The following CIMAP2 variants were observed in gnomAD, a reference collection of about 807,000 sequenced individuals.
CIMAP2 encodes ciliary microtubule associated protein 2.
the CIMAP2 span, among the ~76,000 whole-genome samples, chr1:54,820,653 TG>T: frequency 6.6e-6 from 1 of 152,222 alleles, no homozygotes; most frequent in Admixed American, 6.5e-5. Flanking sequence ...ATCCCTCAAT[TG>T]GGGTTTTGAT....
chr1:54,813,797 TTCTC>T, the CIMAP2 span: 14 of 1,583,298 alleles, frequency 8.8e-6, no homozygotes, highest in Non-Finnish European at 1.2e-5. Context: ...AGATTCCTTT[TTCTC>T]TCTTTTTCTT....
chr1:54,831,921 G>A, the CIMAP2 span, among the ~76,000 whole-genome samples: 7 of 152,246 alleles, frequency 4.6e-5, no homozygotes, highest in East Asian at 9.6e-4. Flanking sequence ...ATCACAGCTC[G>A]CTGCAGCCTT....
chr1:54,818,607 T>G, the CIMAP2 span, among the ~76,000 whole-genome samples: 1 of 152,236 alleles, frequency 6.6e-6, no homozygotes, highest in African/African-American at 2.4e-5. Flanking sequence ...TTTTTTTTCT[T>G]TTAAGATGAG....
chr1:54,812,733 T>C, the CIMAP2 span, among the ~76,000 whole-genome samples: 1 of 152,224 alleles, frequency 6.6e-6, no homozygotes, highest in Non-Finnish European at 1.5e-5. Context: ...TTTTGTCTAA[T>C]TGCCTGTTTA....
chr1:54,811,782 C>CCCCCCCCCCA, the CIMAP2 span: 2 of 1,205,988 alleles, frequency 1.7e-6, no homozygotes, highest in South Asian at 1.2e-5. Context: ...TGCCCCCACC[C>CCCCCCCCCCA]CCGCCCCACA....
chr1:54,810,924 C>T, the CIMAP2 span, among the ~76,000 whole-genome samples: 1 of 152,208 alleles, frequency 6.6e-6, no homozygotes, highest in Non-Finnish European at 1.5e-5. Context: ...CTTCCAAGTT[C>T]AGCCTCTTCT....
the CIMAP2 span, among the ~76,000 whole-genome samples, chr1:54,813,269 C>T: frequency 6.6e-6 from 1 of 152,158 alleles, no homozygotes. Context: ...CCCACAGCAG[C>T]CTGGTCTGTT....
chr1:54,839,893 G>A, the CIMAP2 span, among the ~76,000 whole-genome samples: 83,333 of 151,736 alleles, frequency 0.55, 24,059 homozygotes, highest in South Asian at 0.71. Flanking sequence ...GGGACTACAG[G>A]TGTGCACTAC....
chr1:54,838,241 G>T, the CIMAP2 span, among the ~76,000 whole-genome samples: 1 of 152,096 alleles, frequency 6.6e-6, no homozygotes, highest in Non-Finnish European at 1.5e-5. Context: ...CCAGCACTTT[G>T]GGAGGCTGAG....
At chr1:54,826,709 G>A in the CIMAP2 span, among the ~76,000 whole-genome samples, 1 of 152,244 alleles carries the variant, frequency 6.6e-6, no homozygotes, top group Non-Finnish European at 1.5e-5. Context: ...GTGGAACACA[G>A]GGGATCTCTT....
chr1:54,811,765 G>GCCGGGGGGGGGGGGGGGGGGCCCCCCCCC, the CIMAP2 span: 2 of 1,301,322 alleles, frequency 1.5e-6, no homozygotes, highest in Non-Finnish European at 2.2e-6. Flanking sequence ...GGTTCTGACA[G>GCCGGGGGGGGGGGGGGGGGGCCCCCCCCC]CCTCCATGCC....
At chr1:54,822,311 G>T in the CIMAP2 span, among the ~76,000 whole-genome samples, 29,815 of 151,648 alleles carry the variant, frequency 0.2, 3,026 homozygotes, top group East Asian at 0.34. Context: ...CATAGTACTA[G>T]AAGTCCTAGA....
At chr1:54,839,080 T>C in the CIMAP2 span, among the ~76,000 whole-genome samples, 1 of 152,164 alleles carries the variant, frequency 6.6e-6, no homozygotes, top group South Asian at 2.1e-4. Context: ...CTGGTCCATC[T>C]GGCTCCAAGC....
At chr1:54,818,387 CTCT>C in the CIMAP2 span, among the ~76,000 whole-genome samples, 2 of 106,954 alleles carry the variant, frequency 1.9e-5, no homozygotes, top group African/African-American at 3.2e-5. Context: ...TTTTTTTTCT[CTCT>C]CTCTCTTCTT....
At chr1:54,819,024 A>C in the CIMAP2 span, among the ~76,000 whole-genome samples, 1 of 152,116 alleles carries the variant, frequency 6.6e-6, no homozygotes, top group East Asian at 1.9e-4. Flanking sequence ...GGAAAGCACT[A>C]AATAATACTG....
At chr1:54,827,544 C>T in the CIMAP2 span, among the ~76,000 whole-genome samples, 5 of 152,176 alleles carry the variant, frequency 3.3e-5, no homozygotes, top group Admixed American at 6.5e-5. Flanking sequence ...TTTCTAACCC[C>T]GGCTTAGAAT....
At chr1:54,811,835 C>T in the CIMAP2 span, 3 of 1,481,536 alleles carry the variant, frequency 2.0e-6, no homozygotes, top group Non-Finnish European at 2.7e-6. Flanking sequence ...AGAAGGGTAA[C>T]CCATACACCA....
At chr1:54,838,254 A>G in the CIMAP2 span, among the ~76,000 whole-genome samples, 3 of 152,108 alleles carry the variant, frequency 2.0e-5, no homozygotes, top group African/African-American at 7.3e-5. Context: ...AGGCTGAGGC[A>G]GGCAGATCAC....
At chr1:54,813,743 C>T in the CIMAP2 span, 66 of 1,474,328 alleles carry the variant, frequency 4.5e-5, no homozygotes, top group Admixed American at 2.2e-4. Context: ...TCTCTGGTTG[C>T]GGGGGAGGGT....
Sources: gnomAD v4.1 joint callset for allele counts (sites outside exome capture counted in the v4.1 genomes callset) on GRCh38, gnomAD v4.1.1 for gene constraint, MANE v1.5 for transcripts, NCBI Gene and HGNC (gene_info 2026-07-23, HGNC 2026-07-21) for gene names.